The following SLC24A2 variants were observed in gnomAD, a reference collection of about 807,000 sequenced individuals.
SLC24A2 encodes the protein solute carrier family 24 member 2, also known as sodium/potassium/calcium exchanger 2.
Under a neutral mutation model 62.0 loss-of-function variants are expected in SLC24A2, and 36 were observed. The ratio of observed to expected loss-of-function variants is 0.58; its 90% CI spans 0.44 to 0.77. SLC24A2 has a LOEUF of 0.77. SLC24A2 is among the 30% of genes least tolerant of loss of function. SLC24A2 has a pLI of 0.00. For synonymous variants in SLC24A2, 358 were observed against 294.0 expected (o/e 1.22, Z -2.23); for missense variants, 846 against 817.9 (o/e 1.03, Z -0.42).
the SLC24A2 span, among the ~76,000 whole-genome samples, chr9:20,078,076 G>T: frequency 6.6e-6 from 1 of 150,796 alleles, no homozygotes; most frequent in Non-Finnish European, 1.5e-5. Context: ...TCTGGTACTG[G>T]TTTACACTTG....
At chr9:20,281,967 G>C in the SLC24A2 span, among the ~76,000 whole-genome samples, 1 of 152,058 alleles carries the variant, frequency 6.6e-6, no homozygotes, top group Non-Finnish European at 1.5e-5. Flanking sequence ...TTATTCCTTA[G>C]TGTTTTATAT....
chr9:19,581,198 T>G (rs981908985), intron 5 of SLC24A2, among the ~76,000 whole-genome samples: 2 of 152,120 alleles, frequency 1.3e-5, no homozygotes, highest in Admixed American at 6.5e-5. Flanking sequence ...GGTGTTCAAG[T>G]TTCAGTGAAT....
the SLC24A2 span, among the ~76,000 whole-genome samples, chr9:19,894,825 T>C: frequency 6.6e-6 from 1 of 152,216 alleles, no homozygotes; most frequent in Non-Finnish European, 1.5e-5. Flanking sequence ...TGGACTTCCA[T>C]AATACTCTTT....
At chr9:19,935,406 AAAC>A in the SLC24A2 span, among the ~76,000 whole-genome samples, 4 of 122,002 alleles carry the variant, frequency 3.3e-5, no homozygotes, top group Non-Finnish European at 8.1e-5. Context: ...TAAACAAACA[AAAC>A]AAAAAAAACC....
chr9:20,031,866 GAGAA>G, the SLC24A2 span, among the ~76,000 whole-genome samples: 32 of 152,224 alleles, frequency 2.1e-4, no homozygotes, highest in African/African-American at 7.5e-4. Context: ...AACAGCACGA[GAGAA>G]AGAAAGAAAA....
chr9:19,895,359 C>T, the SLC24A2 span, among the ~76,000 whole-genome samples: 39 of 151,928 alleles, frequency 2.6e-4, no homozygotes, highest in African/African-American at 6.0e-4. Context: ...TAATGCACAC[C>T]GGAGAGCCCA....
intron 2 of SLC24A2, among the ~76,000 whole-genome samples, chr9:19,688,245 C>T (rs1012579113): frequency 2.6e-5 from 4 of 152,072 alleles, no homozygotes; most frequent in Non-Finnish European, 5.9e-5. Flanking sequence ...ATAATCCTGG[C>T]TTTATGGATT....
the SLC24A2 span, among the ~76,000 whole-genome samples, chr9:19,802,917 T>C: frequency 1.3e-5 from 2 of 152,130 alleles, no homozygotes; most frequent in African/African-American, 4.8e-5. Flanking sequence ...GGACCCCTCA[T>C]GAATGGGATT....
chr9:19,618,483 C>T (rs1405363179), intron 4 of SLC24A2, among the ~76,000 whole-genome samples: 2 of 152,116 alleles, frequency 1.3e-5, no homozygotes, highest in Admixed American at 1.3e-4. Context: ...TTGAAACGCC[C>T]CATGCTCTGC....
chr9:19,684,530 CA>C (rs144761092), intron 2 of SLC24A2, among the ~76,000 whole-genome samples: 3 of 152,118 alleles, frequency 2.0e-5, no homozygotes, highest in Non-Finnish European at 4.4e-5. Flanking sequence ...ATAACAGCAC[CA>C]AATAACTAAG....
the SLC24A2 span, among the ~76,000 whole-genome samples, chr9:19,936,280 A>G: frequency 1.3e-5 from 2 of 152,102 alleles, no homozygotes; most frequent in Admixed American, 1.3e-4. Context: ...ATTTATTACT[A>G]TTATTATTAT....
intron 4 of SLC24A2, among the ~76,000 whole-genome samples, chr9:19,608,394 A>G (rs1429574899): frequency 6.6e-6 from 1 of 152,136 alleles, no homozygotes; most frequent in East Asian, 1.9e-4. Context: ...CCAGCAAGCA[A>G]GTGACAGTTT....
At chr9:20,124,124 T>C in the SLC24A2 span, among the ~76,000 whole-genome samples, 9 of 152,196 alleles carry the variant, frequency 5.9e-5, no homozygotes, top group African/African-American at 1.9e-4. Context: ...ACCTGGCATA[T>C]GTAACTCCTT....
chr9:19,535,172 C>A (rs1158052345), intron 8 of SLC24A2, among the ~76,000 whole-genome samples: 1 of 152,008 alleles, frequency 6.6e-6, no homozygotes, highest in Admixed American at 6.6e-5. Flanking sequence ...AGAAGTGTGT[C>A]TGTTCATATC....
chr9:19,847,599 G>A, the SLC24A2 span, among the ~76,000 whole-genome samples: 1 of 152,086 alleles, frequency 6.6e-6, no homozygotes, highest in Non-Finnish European at 1.5e-5. Flanking sequence ...AATAATAAAT[G>A]CATTACCAAT....
chr9:19,792,732 A>G (rs908134894), upstream of SLC24A2, among the ~76,000 whole-genome samples: 1 of 151,872 alleles, frequency 6.6e-6, no homozygotes, highest in East Asian at 1.9e-4. Flanking sequence ...AGGATAGCTG[A>G]GTCAGAAAGT....
the SLC24A2 span, among the ~76,000 whole-genome samples, chr9:20,247,455 T>C: frequency 6.6e-6 from 1 of 152,186 alleles, no homozygotes; most frequent in African/African-American, 2.4e-5. Flanking sequence ...TAATAAATTA[T>C]GAGGGTGAAG....
chr9:20,107,633 G>T, the SLC24A2 span, among the ~76,000 whole-genome samples: 4 of 152,238 alleles, frequency 2.6e-5, no homozygotes, highest in East Asian at 1.9e-4. Flanking sequence ...GGGAAAACTG[G>T]CTAGCCATAT....
chr9:20,150,604 T>C, the SLC24A2 span, among the ~76,000 whole-genome samples: 1 of 136,878 alleles, frequency 7.3e-6, no homozygotes, highest in African/African-American at 3.7e-5. Context: ...TCTAGGAATC[T>C]AGCCTAAAAA....
Sources: allele counts gnomAD v4.1 joint callset (sites outside exome capture counted in the v4.1 genomes callset), GRCh38; gene constraint gnomAD v4.1.1; transcripts MANE v1.5; gene names NCBI Gene and HGNC (gene_info 2026-07-23, HGNC 2026-07-21).